The following CENPP variants were observed in gnomAD, a reference collection of about 807,000 sequenced individuals.
The protein encoded by CENPP is centromere protein P.
CENPP carries 24 observed loss-of-function variants against 35.6 expected under a neutral mutation model. The ratio of observed to expected loss-of-function variants is 0.67; its 90% confidence interval spans 0.49 to 0.95. The LOEUF (loss-of-function observed/expected upper bound fraction) is 0.95, where lower values mean the gene tolerates loss of function less well. CENPP is among the 40% of genes least tolerant of loss of function. CENPP has a pLI of 0.00. For synonymous variants in CENPP, 120 were observed against 125.5 expected (o/e 0.96, Z 0.29); for missense variants, 332 against 345.3 (o/e 0.96, Z 0.31).
At chr9:92,399,172 TGC>T (rs1448224840) in intron 5 of CENPP, among the ~76,000 whole-genome samples, 1 of 152,220 alleles carries the variant, frequency 6.6e-6, no homozygotes, top group African/African-American at 2.4e-5. Context: ...GCCTTCCTGC[TGC>T]CGTGTATGAG....
chr9:92,486,366 T>C (rs1285779245), intron 5 of CENPP, among the ~76,000 whole-genome samples: 1 of 152,228 alleles, frequency 6.6e-6, no homozygotes, highest in African/African-American at 2.4e-5. Flanking sequence ...AATGAACTTA[T>C]TTTATACTGT....
At chr9:92,353,617 T>G (rs1841520137) in intron 4 of CENPP, among the ~76,000 whole-genome samples, 1 of 152,174 alleles carries the variant, frequency 6.6e-6, no homozygotes, top group Non-Finnish European at 1.5e-5. Flanking sequence ...TTGACTTAAA[T>G]GTAGGAGGAG....
At chr9:92,374,148 G>A (rs1026013180) in intron 4 of CENPP, among the ~76,000 whole-genome samples, 1 of 146,866 alleles carries the variant, frequency 6.8e-6, no homozygotes, top group Non-Finnish European at 1.5e-5. Flanking sequence ...AAATTATTCT[G>A]CCAATCTCTG....
intron 5 of CENPP, chr9:92,390,136 A>G (rs1842612441): frequency 3.8e-6 from 3 of 789,876 alleles, no homozygotes; most frequent in South Asian, 3.5e-5. Flanking sequence ...TTTGTTTAAC[A>G]GATCACTCAA....
chr9:92,375,447 C>T (rs1052585582), intron 4 of CENPP, among the ~76,000 whole-genome samples: 5 of 152,020 alleles, frequency 3.3e-5, no homozygotes, highest in African/African-American at 1.2e-4. Context: ...CACACACCAC[C>T]ACGCCCGGCT....
At chr9:92,386,078 G>A in intron 5 of CENPP, 1 of 703,954 alleles carries the variant, frequency 1.4e-6, no homozygotes, top group Non-Finnish European at 2.4e-6. Context: ...CAGACATTTA[G>A]CTATCACGCT....
chr9:92,434,323 A>C (rs1487972973), intron 5 of CENPP, among the ~76,000 whole-genome samples: 1 of 151,064 alleles, frequency 6.6e-6, no homozygotes, highest in Non-Finnish European at 1.5e-5. Flanking sequence ...CAGTAGACCA[A>C]GGTTGCAGTG....
rs139723434 is a variant in CENPP at position 92,364,464 on chromosome 9, G to GT, written c.468-15293dup. On this transcript the variant is annotated intron_variant, in intron 4 of 7. Coordinates refer to ENST00000375587, the MANE Select transcript of CENPP (RefSeq NM_001012267.3). ...TTGGTTGACTGTTTTGGTTCTTTGG[G>GT]TTTTTTCTCCTGAGTACTTTGGAGG... Among the ~76,000 whole-genome samples the GT allele has an allele frequency of 9.7e-3, 1,480 of 152,104 alleles. 22 individuals carry two copies. Among genetic ancestry groups the GT allele is most frequent in the African/African-American group, 0.031 (1,301 of 41,492 alleles).
In CENPP at chr9:92,619,787, G is replaced by A. The variant is rs1005049652; in HGVS notation, c.*6638G>A. 7 of 559,992 alleles carry A rather than the reference G, an allele frequency of 1.3e-5. No individual in the cohort carries two copies. The highest frequency in any genetic ancestry group is 4.8e-4 in the Middle Eastern group (1 of 2,104). The allele number at this position is 559,992 out of a possible 1,614,324, so 34.7% of individuals were successfully genotyped here. A position where few individuals can be genotyped will look rare whatever the true frequency, so the allele number is the denominator to read the frequency against. On this transcript the variant is annotated 3_prime_UTR_variant, in exon 8 of 8. Transcript: ENST00000375587. Reference sequence around the variant, plus strand: ...ACGGGGCTGCTCAGAGGCCAGCACCGCCCCCTGACCTCTCACGGCAAGCAG... The same window carrying A: ...ACGGGGCTGCTCAGAGGCCAGCACCACCCCCTGACCTCTCACGGCAAGCAG...
intron 6 of CENPP, among the ~76,000 whole-genome samples, chr9:92,612,155 T>A (rs1177624537): frequency 6.6e-6 from 1 of 152,256 alleles, no homozygotes; most frequent in Non-Finnish European, 1.5e-5. Context: ...CTCAACTGCC[T>A]AGAAATGAAA....
In CENPP at chr9:92,420,175, G is replaced by A. The variant is rs184181168; in HGVS notation, c.564+40316G>A. Among the ~76,000 whole-genome samples the A allele has an allele frequency of 6.1e-4, 93 of 152,060 alleles. 1 individual carries two copies. Among genetic ancestry groups the A allele is most frequent in the African/African-American group, 1.8e-3 (76 of 41,458 alleles). On this transcript the variant is annotated intron_variant, in intron 5 of 7. Coordinates refer to ENST00000375587, the MANE Select transcript of CENPP (RefSeq NM_001012267.3). ...TCATACTCTTCATTTTGAGTATTCCGCACTCAGACCACTATCTCTATGTAG... is the reference window on the plus strand; with the variant it reads ...TCATACTCTTCATTTTGAGTATTCCACACTCAGACCACTATCTCTATGTAG...
intron 5 of CENPP, among the ~76,000 whole-genome samples, chr9:92,533,328 A>AAAAAT (rs1554683138): frequency 1.3e-4 from 5 of 38,338 alleles, no homozygotes; most frequent in Non-Finnish European, 1.7e-4. Flanking sequence ...AAAAAAAAAA[A>AAAAAT]ATATATATAT....
intron 5 of CENPP, among the ~76,000 whole-genome samples, chr9:92,486,819 T>C (rs1425728247): frequency 6.6e-6 from 1 of 151,442 alleles, no homozygotes; most frequent in African/African-American, 2.4e-5. Flanking sequence ...TCTTGCTCTG[T>C]CACCCAGGCT....
At chr9:92,348,164 G>T (rs1588048013) in intron 4 of CENPP, among the ~76,000 whole-genome samples, 1 of 131,218 alleles carries the variant, frequency 7.6e-6, no homozygotes, top group Non-Finnish European at 1.6e-5. Context: ...TTACTACATT[G>T]GCCAGGCTGG....
At chr9:92,354,672 T>G (rs1841544716) in intron 4 of CENPP, among the ~76,000 whole-genome samples, 1 of 152,182 alleles carries the variant, frequency 6.6e-6, no homozygotes, top group Admixed American at 6.5e-5. Context: ...GCAATTTCAT[T>G]TTATGCCACT....
Position 92,330,847 on chromosome 9 carries a change from C to T in CENPP, c.108-1323C>T, listed in dbSNP as rs965910561. Among the ~76,000 whole-genome samples, 7 of 151,992 alleles carry T rather than the reference C, an allele frequency of 4.6e-5. No homozygotes were observed. The South Asian group carries it at 1.0e-3, about 23-fold the overall frequency. ...AGGATTACAGGCACCCGCCACCACT[C>T]GAGGCTAATTTTTTGTATTTTTAGT... On this transcript the variant is annotated intron_variant, in intron 1 of 7. Coordinates refer to ENST00000375587, the MANE Select transcript of CENPP (RefSeq NM_001012267.3).
intron 5 of CENPP, among the ~76,000 whole-genome samples, chr9:92,600,677 A>G (rs1447640275): frequency 6.6e-6 from 1 of 152,230 alleles, no homozygotes; most frequent in South Asian, 2.1e-4. Flanking sequence ...CTCCTGTGGC[A>G]AAGTGCTGCA....
At chr9:92,417,121 A>T (rs773001072) in intron 5 of CENPP, 1 of 1,613,660 alleles carries the variant, frequency 6.2e-7, no homozygotes, top group Non-Finnish European at 8.5e-7. Context: ...GCTCTAGATG[A>T]AGTTGTAGTA....
At chr9:92,606,245 G>A (rs1851077934) in intron 5 of CENPP, among the ~76,000 whole-genome samples, 1 of 152,154 alleles carries the variant, frequency 6.6e-6, no homozygotes, top group Admixed American at 6.5e-5. Flanking sequence ...CTGTGAGAGA[G>A]AGTAAGATTC....
Sources: allele counts gnomAD v4.1 joint callset (sites outside exome capture counted in the v4.1 genomes callset), GRCh38; gene constraint gnomAD v4.1.1; transcripts MANE v1.5; gene names NCBI Gene and HGNC (gene_info 2026-07-23, HGNC 2026-07-21).